MTUS2: variants seen among roughly 807,000 people sequenced by gnomAD.
The protein encoded by MTUS2 is microtubule-associated tumor suppressor candidate 2.
In MTUS2, 40 loss-of-function variants were observed where a neutral mutation model predicts 114.1. The ratio of observed to expected loss-of-function variants is 0.35; its 90% CI spans 0.27 to 0.46. The LOEUF is 0.46. Among genes scored for constraint, MTUS2 ranks in the 20% least tolerant of loss-of-function variants. The pLI, the probability that MTUS2 is intolerant of heterozygous loss-of-function variation, is 1.00. For missense variants in MTUS2, 1,679 were observed against 1,705.4 expected, an observed-to-expected ratio of 0.98 and a Z score of 0.27; for synonymous variants, 688 against 672.0, an observed-to-expected ratio of 1.02 and a Z score of -0.37.
At chr13:28,843,020 C>T (rs1566171396) in intron 2 of MTUS2, among the ~76,000 whole-genome samples, 2 of 152,304 alleles carry the variant, frequency 1.3e-5, no homozygotes, top group South Asian at 2.1e-4. Flanking sequence ...GCTTTCCAGT[C>T]TCCTTGGATC....
chr13:29,186,697 T>G (rs759087415), intron 5 of MTUS2, among the ~76,000 whole-genome samples: 3 of 152,206 alleles, frequency 2.0e-5, no homozygotes, highest in Non-Finnish European at 4.4e-5. Context: ...TATTCCACTT[T>G]CAATAATAAA....
At chr13:29,264,162 C>G (rs1313526634) in intron 5 of MTUS2, among the ~76,000 whole-genome samples, 2 of 152,254 alleles carry the variant, frequency 1.3e-5, no homozygotes, top group East Asian at 3.8e-4. Flanking sequence ...AGGCCCCACA[C>G]GAATCCAAAA....
intron 1 of MTUS2, among the ~76,000 whole-genome samples, chr13:28,838,077 A>T (rs766388154): frequency 5.9e-5 from 9 of 152,188 alleles, no homozygotes; most frequent in Non-Finnish European, 1.0e-4. Context: ...ATCCTCACAT[A>T]ATTAATCTAA....
intron 2 of MTUS2, among the ~76,000 whole-genome samples, chr13:28,975,650 A>C (rs1884060292): frequency 2.0e-5 from 3 of 152,226 alleles, no homozygotes; most frequent in Admixed American, 2.0e-4. Context: ...CATTTGCCAG[A>C]CACTGTTGCA....
At chr13:29,426,549 C>T (rs577247608) in intron 8 of MTUS2, among the ~76,000 whole-genome samples, 8 of 152,300 alleles carry the variant, frequency 5.3e-5, no homozygotes, top group South Asian at 4.2e-4. Flanking sequence ...TGTCCCCAGC[C>T]CTTGGCAGCC....
chr13:29,110,323 C>G (rs1271024645), intron 5 of MTUS2, among the ~76,000 whole-genome samples: 1 of 152,230 alleles, frequency 6.6e-6, no homozygotes, highest in Non-Finnish European at 1.5e-5. Flanking sequence ...GGGCTTTGCA[C>G]AGCTTCTCAT....
intron 2 of MTUS2, among the ~76,000 whole-genome samples, chr13:29,016,377 T>C (rs1886067985): frequency 6.6e-6 from 1 of 152,056 alleles, no homozygotes; most frequent in Non-Finnish European, 1.5e-5. Flanking sequence ...AAGGGTATGC[T>C]TGAAATGCTT....
chr13:29,066,080 G>A (rs541101383), intron 4 of MTUS2, among the ~76,000 whole-genome samples: 2 of 152,142 alleles, frequency 1.3e-5, no homozygotes, highest in East Asian at 3.9e-4. Flanking sequence ...CCTTTTATTT[G>A]CCACGTCTTC....
At chr13:29,225,050 G>T (rs185066496) in intron 5 of MTUS2, among the ~76,000 whole-genome samples, 8 of 152,322 alleles carry the variant, frequency 5.3e-5, no homozygotes, top group African/African-American at 1.9e-4. Context: ...TGGGGCCCAG[G>T]CATCAGTGAG....
intron 2 of MTUS2, among the ~76,000 whole-genome samples, chr13:28,887,570 C>T (rs1259710492): frequency 1.3e-5 from 2 of 152,194 alleles, no homozygotes; most frequent in Non-Finnish European, 2.9e-5. Flanking sequence ...TAAATAAGGG[C>T]TTTGAAGCTG....
chr13:29,441,876 C>T (rs893186660), intron 9 of MTUS2, among the ~76,000 whole-genome samples: 1 of 152,178 alleles, frequency 6.6e-6, no homozygotes, highest in Non-Finnish European at 1.5e-5. Flanking sequence ...CTGATGGAAA[C>T]TACCTTATCA....
intron 7 of MTUS2, 144 bp from the exon 8 acceptor site, chr13:29,359,118 T>C: frequency 1.2e-6 from 1 of 801,724 alleles, no homozygotes; most frequent in Non-Finnish European, 2.0e-6. Context: ...TGACTGTTTT[T>C]TCTTTTCAAT....
chr13:29,448,033 T>G (rs1878413825), intron 9 of MTUS2, among the ~76,000 whole-genome samples: 1 of 152,164 alleles, frequency 6.6e-6, no homozygotes, highest in African/African-American at 2.4e-5. Flanking sequence ...TTCGAGATCA[T>G]ATGCCTCAAG....
At chr13:29,223,232 C>T (rs1895977603) in intron 5 of MTUS2, among the ~76,000 whole-genome samples, 1 of 152,158 alleles carries the variant, frequency 6.6e-6, no homozygotes, top group African/African-American at 2.4e-5. Context: ...CATGGCCACC[C>T]ATGGACAAAT....
rs1420698084 is a variant in MTUS2, at chr13:29,472,661, G to T, written c.3185-7489G>T. ...CTAATCCCATGTAATTTTACACCTA[G>T]GAATGTATCCTAAATGAAAAAAGCA... On this transcript the variant is annotated intron_variant, in intron 9 of 15. Coordinates refer to ENST00000612955, the MANE Select transcript of MTUS2 (RefSeq NM_001033602.4). Among the ~76,000 whole-genome samples, 3 of 152,150 alleles carry T rather than the reference G, an allele frequency of 2.0e-5. No homozygotes were observed. The East Asian group carries it at 5.8e-4, about 29-fold the overall frequency.
At position 29,245,842 on chromosome 13, in the gene MTUS2, G is replaced by A. The variant is rs542475870; in HGVS notation, c.2645-35862G>A. On this transcript the variant is annotated intron_variant, in intron 5 of 15. Coordinates refer to ENST00000612955, the MANE Select transcript of MTUS2 (RefSeq NM_001033602.4). ...CTCCTAAGTAGCTGGGACTATAGGC[G>A]CCTGCCACCACGCCCGGCTAATTTT... is the stretch of plus-strand genomic sequence containing the variant. 7.2e-5 allele frequency among the ~76,000 whole-genome samples: 11 copies of A among 152,068 alleles called. No homozygotes were observed. In the East Asian group the frequency reaches 1.7e-3, roughly 24 times the overall value.
chr13:29,250,993 T>C (rs1396805572), intron 5 of MTUS2, among the ~76,000 whole-genome samples: 1 of 152,166 alleles, frequency 6.6e-6, no homozygotes, highest in African/African-American at 2.4e-5. Flanking sequence ...GGGTTTGTGG[T>C]TTATCAGACA....
At chr13:29,190,488 A>G (rs1894402510) in intron 5 of MTUS2, among the ~76,000 whole-genome samples, 1 of 152,182 alleles carries the variant, frequency 6.6e-6, no homozygotes, top group African/African-American at 2.4e-5. Flanking sequence ...CACCTCTGCT[A>G]AGCCCCATGC....
In MTUS2 at chr13:29,374,598, A is replaced by G. The variant is rs967016292; in HGVS notation, c.3117+15125A>G. 3.9e-5 allele frequency among the ~76,000 whole-genome samples: 6 copies of G among 152,344 alleles called. No individual in the cohort carries two copies. The East Asian group carries it at 1.2e-3, about 29-fold the overall frequency. ...TCTATATCCAGTGAAAATATACTTT[A>G]TAAATGAAGATGAAATAGGCCGGGC... is the stretch of plus-strand genomic sequence containing the variant. On this transcript the variant is annotated intron_variant, in intron 8 of 15. Transcript: ENST00000612955.
Sources: gnomAD v4.1 joint callset for allele counts (sites outside exome capture counted in the v4.1 genomes callset) on GRCh38, gnomAD v4.1.1 for gene constraint, MANE v1.5 for transcripts, NCBI Gene and HGNC (gene_info 2026-07-23, HGNC 2026-07-21) for gene names.